Variants in COL23A1 observed in about 807,000 individuals in gnomAD.
COL23A1 encodes the protein collagen alpha-1(XXIII) chain.
COL23A1 carries 97 observed loss-of-function variants against 99.3 expected under a neutral mutation model. That is an observed-to-expected ratio of 0.98 (90% CI 0.83 to 1.16). COL23A1 has a LOEUF of 1.16. Among genes scored for constraint, COL23A1 ranks in the 50% most tolerant of loss-of-function variants. The probability of loss-of-function intolerance (pLI) is 0.00; values close to 1 mark genes in which losing one functional copy is unlikely to be tolerated. For missense variants in COL23A1, 762 were observed against 757.4 expected (o/e 1.01, Z -0.07); for synonymous variants, 320 against 308.2 (o/e 1.04, Z -0.40).
At chr5:178,331,103 C>T (rs528814334) in intron 2 of COL23A1, among the ~76,000 whole-genome samples, 5 of 152,344 alleles carry the variant, frequency 3.3e-5, no homozygotes, top group African/African-American at 7.2e-5. Context: ...AATGAGAACA[C>T]GAATGCCCAG....
intron 9 of COL23A1, among the ~76,000 whole-genome samples, chr5:178,262,692 G>C (rs1053749652): frequency 2.6e-5 from 4 of 152,168 alleles, no homozygotes; most frequent in Admixed American, 6.5e-5. Context: ...GGGAGCATGA[G>C]GGGAGGGGCT....
chr5:178,563,704 A>G (rs1202686173), intron 1 of COL23A1, among the ~76,000 whole-genome samples: 8 of 151,526 alleles, frequency 5.3e-5, no homozygotes. Context: ...GCTAATTTTT[A>G]AATTTTTTGT....
intron 2 of COL23A1, among the ~76,000 whole-genome samples, chr5:178,405,471 C>T (rs1158210269): frequency 2.6e-5 from 4 of 152,144 alleles, no homozygotes; most frequent in African/African-American, 9.7e-5. Flanking sequence ...TTATTAATGC[C>T]TCATTTATTA....
chr5:178,579,367 G>A (rs1250051306), intron 1 of COL23A1, among the ~76,000 whole-genome samples: 1 of 152,176 alleles, frequency 6.6e-6, no homozygotes, highest in Non-Finnish European at 1.5e-5. Flanking sequence ...GCAAACTGAG[G>A]TTTGGAAAAA....
chr5:178,252,307 C>G (rs921690499), intron 17 of COL23A1, among the ~76,000 whole-genome samples: 5 of 152,150 alleles, frequency 3.3e-5, no homozygotes, highest in African/African-American at 1.2e-4. Flanking sequence ...CTTTTTATAG[C>G]TGCATGAATT....
At chr5:178,517,753 G>C (rs1759621827) in intron 2 of COL23A1, among the ~76,000 whole-genome samples, 1 of 151,262 alleles carries the variant, frequency 6.6e-6, no homozygotes, top group Admixed American at 6.6e-5. Context: ...GTAGAGACGG[G>C]GTTTCACCAT....
At position 178,587,169 on chromosome 5, in the gene COL23A1, A is replaced by G. The variant is rs115984579; in HGVS notation, c.294+2735T>C. ...GATTGATTACTTAGGCAACCTATTTAAAGCACTTTAAGAGGAAAATATTAG... is the reference window on the plus strand; with the variant it reads ...GATTGATTACTTAGGCAACCTATTTGAAGCACTTTAAGAGGAAAATATTAG... On this transcript the variant is annotated intron_variant, in intron 1 of 28. Transcript: ENST00000390654. Among the ~76,000 whole-genome samples, 972 of 152,370 alleles carry G rather than the reference A, an allele frequency of 6.4e-3. 6 individuals carry two copies. Among genetic ancestry groups the G allele is most frequent in the Non-Finnish European group, 0.01 (696 of 68,026 alleles).
chr5:178,430,075 C>T (rs1766174559), intron 2 of COL23A1, among the ~76,000 whole-genome samples: 1 of 152,188 alleles, frequency 6.6e-6, no homozygotes, highest in Non-Finnish European at 1.5e-5. Context: ...CCCTGAGGTG[C>T]ACCTGGAAAG....
chr5:178,338,055 G>C (rs1358580675), intron 2 of COL23A1, among the ~76,000 whole-genome samples: 3 of 152,270 alleles, frequency 2.0e-5, no homozygotes, highest in South Asian at 4.1e-4. Flanking sequence ...GAAACGGAGG[G>C]GCTGTACTTG....
intron 1 of COL23A1, among the ~76,000 whole-genome samples, chr5:178,581,449 C>T (rs1351944507): frequency 6.6e-6 from 1 of 151,914 alleles, no homozygotes; most frequent in Non-Finnish European, 1.5e-5. Context: ...ACCTGTAATC[C>T]CAGCTACTCG....
intron 1 of COL23A1, among the ~76,000 whole-genome samples, chr5:178,572,852 G>T (rs1425136243): frequency 6.6e-6 from 1 of 152,188 alleles, no homozygotes; most frequent in Admixed American, 6.5e-5. Flanking sequence ...TAATGAAAAA[G>T]AATGAATTAA....
At chr5:178,444,159 T>C (rs1470089464) in intron 2 of COL23A1, among the ~76,000 whole-genome samples, 1 of 152,130 alleles carries the variant, frequency 6.6e-6, no homozygotes, top group Admixed American at 6.5e-5. Flanking sequence ...TAAGCTGTGA[T>C]TGCACCACGG....
chr5:178,309,947 G>A lies in COL23A1; in HGVS notation c.362-3028C>T, dbSNP rs952623046. On this transcript the variant is annotated intron_variant, in intron 2 of 28. Coordinates refer to ENST00000390654, the MANE Select transcript of COL23A1 (RefSeq NM_173465.4). This position sits in a 1 kb window ranked among gnomAD's most constrained non-coding sequence, Gnocchi z 4.7. ...TGTTCAGGGGAGGAAGGGCGGGGGG[G>A]AGAGGGAGGGAGGGAGAAGGGGACA... Among the ~76,000 whole-genome samples, 1 of 147,198 alleles carries A rather than the reference G, an allele frequency of 6.8e-6. No homozygotes were observed. Among genetic ancestry groups the A allele is most frequent in the Non-Finnish European group, 1.5e-5 (1 of 66,946 alleles).
chr5:178,411,859 G>A (rs1230526583), intron 2 of COL23A1, among the ~76,000 whole-genome samples: 1 of 152,120 alleles, frequency 6.6e-6, no homozygotes, highest in Non-Finnish European at 1.5e-5. Context: ...CTATAGCATT[G>A]GTAGAACATT....
intron 2 of COL23A1, among the ~76,000 whole-genome samples, chr5:178,381,442 A>G (rs564840278): frequency 4.5e-4 from 69 of 152,324 alleles, no homozygotes; most frequent in African/African-American, 1.6e-3. Flanking sequence ...GCTGCTTGGG[A>G]CACCAGCACC....
chr5:178,413,952 A>G (rs1482017286), intron 2 of COL23A1, among the ~76,000 whole-genome samples: 2 of 152,176 alleles, frequency 1.3e-5, no homozygotes, highest in African/African-American at 4.8e-5. Flanking sequence ...ATCTGAGCCC[A>G]ATCTGCTTGC....
intron 2 of COL23A1, among the ~76,000 whole-genome samples, chr5:178,379,881 CA>C (rs71587651): frequency 0.28 from 30,973 of 109,188 alleles, 3,450 homozygotes; most frequent in African/African-American, 0.38. Flanking sequence ...AACTCCATCT[CA>C]AAAAAAAAAA....
chr5:178,350,189 C>T (rs578210605), intron 2 of COL23A1, among the ~76,000 whole-genome samples: 5 of 152,342 alleles, frequency 3.3e-5, no homozygotes, highest in Admixed American at 2.0e-4. Context: ...AGCACCCATG[C>T]CACCTCCTCC....
At chr5:178,290,464 C>A in intron 3 of COL23A1, 95 bp from the exon 4 acceptor site, 1 of 1,505,194 alleles carries the variant, frequency 6.6e-7, no homozygotes, top group Non-Finnish European at 9.2e-7. Flanking sequence ...CTCAGCACGG[C>A]TCCTGGCCAC....
Sources: allele counts gnomAD v4.1 joint callset (sites outside exome capture counted in the v4.1 genomes callset), GRCh38; gene constraint gnomAD v4.1.1; non-coding constraint Gnocchi (gnomAD v3.1); transcripts MANE v1.5; gene names NCBI Gene and HGNC (gene_info 2026-07-23, HGNC 2026-07-21).